Variants in PCSK2 observed in about 807,000 individuals in gnomAD.
PCSK2 encodes neuroendocrine convertase 2.
In PCSK2, 14 loss-of-function variants were observed where a neutral mutation model predicts 69.7. That is an observed-to-expected ratio of 0.20 (90% CI 0.13 to 0.31). The LOEUF is 0.31. Among genes scored for constraint, PCSK2 ranks in the 10% least tolerant of loss-of-function variants. The pLI is 1.00. For missense variants in PCSK2, 544 were observed against 842.5 expected, an observed-to-expected ratio of 0.65 and a Z score of 4.39; for synonymous variants, 307 against 320.7, an observed-to-expected ratio of 0.96 and a Z score of 0.46.
At chr20:17,377,040 G>A (rs1228596420) in intron 5 of PCSK2, among the ~76,000 whole-genome samples, 1 of 152,206 alleles carries the variant, frequency 6.6e-6, no homozygotes, top group Non-Finnish European at 1.5e-5. Context: ...TAAGGAAAGA[G>A]AGGACCCTGG....
intron 2 of PCSK2, among the ~76,000 whole-genome samples, chr20:17,295,269 C>T (rs959554226): frequency 7.3e-5 from 11 of 151,354 alleles, no homozygotes; most frequent in Non-Finnish European, 1.6e-4. Context: ...TTAATGCATG[C>T]CAGATATTGT....
At chr20:17,404,322 T>A (rs1254103483) in intron 5 of PCSK2, among the ~76,000 whole-genome samples, 1 of 152,252 alleles carries the variant, frequency 6.6e-6, no homozygotes, top group African/African-American at 2.4e-5. Context: ...ACATTGGTCT[T>A]CTTTCTTATG....
At chr20:17,289,925 T>G (rs937291935) in intron 2 of PCSK2, among the ~76,000 whole-genome samples, 2 of 152,254 alleles carry the variant, frequency 1.3e-5, no homozygotes, top group Admixed American at 6.5e-5. Flanking sequence ...TTGTACTCTT[T>G]AATGTACATC....
intron 2 of PCSK2, among the ~76,000 whole-genome samples, chr20:17,308,749 C>T (rs879599860): frequency 5.9e-5 from 9 of 152,170 alleles, no homozygotes; most frequent in African/African-American, 9.7e-5. Context: ...TGATCTTAGC[C>T]AGGACCTCTA....
At chr20:17,473,153 G>A (rs2033234893) in intron 11 of PCSK2, among the ~76,000 whole-genome samples, 1 of 137,176 alleles carries the variant, frequency 7.3e-6, no homozygotes, top group Non-Finnish European at 1.5e-5. Flanking sequence ...GAGTGCAGTA[G>A]CGTGATCTCA....
Position 17,347,962 on chromosome 20 carries a change from G to A in PCSK2, c.283-10365G>A, listed in dbSNP as rs199753806. ...AAAGAAAGAAAGAAAGAAAGAAAGA[G>A]AAAGAAAGAAAGAAAGAAAGAGGAG... On this transcript the variant is annotated intron_variant, in intron 2 of 11. Transcript: ENST00000262545. Among the ~76,000 whole-genome samples, 98 of 17,866 alleles carry A rather than the reference G, an allele frequency of 5.5e-3. 10 individuals are homozygous for A. Among genetic ancestry groups the A allele is most frequent in the East Asian group, 0.027 (4 of 146 alleles). The allele number at this position is 17,866 out of a possible 152,430, so 11.7% of individuals were successfully genotyped here.
rs187968561 is a variant in PCSK2 at position 17,246,663 on chromosome 20, C to T, written c.178-13577C>T. ...CTATGGAAGTTAGTTGGGTCCAACG[C>T]ATTCCATGGGGGACGTGGTCCAAAG... On this transcript the variant is annotated intron_variant, in intron 1 of 11. Coordinates refer to ENST00000262545, the MANE Select transcript of PCSK2 (RefSeq NM_002594.5). 3.3e-5 allele frequency among the ~76,000 whole-genome samples: 5 copies of T among 152,168 alleles called. No homozygotes were observed. In the East Asian group the frequency reaches 9.7e-4, roughly 29 times the overall value.
chr20:17,323,140 C>T (rs1157475926), intron 2 of PCSK2, among the ~76,000 whole-genome samples: 1 of 152,228 alleles, frequency 6.6e-6, no homozygotes, highest in African/African-American at 2.4e-5. Context: ...GCTGGGATTA[C>T]AGGCGTGAGT....
At chr20:17,276,154 A>G (rs746424219) in intron 2 of PCSK2, among the ~76,000 whole-genome samples, 4 of 152,150 alleles carry the variant, frequency 2.6e-5, no homozygotes, top group Non-Finnish European at 4.4e-5. Context: ...GTAATTCTAC[A>G]TACCATAAAA....
chr20:17,259,758 A>G (rs919692078), intron 1 of PCSK2, among the ~76,000 whole-genome samples: 3 of 152,176 alleles, frequency 2.0e-5, no homozygotes, highest in Admixed American at 6.5e-5. Context: ...AAAAGGCACC[A>G]AGGGTTCACA....
At chr20:17,320,783 C>T (rs913199335) in intron 2 of PCSK2, among the ~76,000 whole-genome samples, 8 of 152,160 alleles carry the variant, frequency 5.3e-5, no homozygotes, top group Non-Finnish European at 8.8e-5. Flanking sequence ...CAGGCAGAGA[C>T]AGTATTTTGG....
At chr20:17,348,021 GAGAAAGAAAGA>G (rs1990731297) in intron 2 of PCSK2, among the ~76,000 whole-genome samples, 1 of 89,496 alleles carries the variant, frequency 1.1e-5, no homozygotes. Context: ...AGAGAGAAAA[GAGAAAGAAAGA>G]AGAAAGAAAG....
intron 11 of PCSK2, among the ~76,000 whole-genome samples, chr20:17,480,412 A>G (rs2033379199): frequency 6.6e-6 from 1 of 151,508 alleles, no homozygotes; most frequent in South Asian, 2.1e-4. Flanking sequence ...GATGGTCTCG[A>G]TCTCCTGACC....
intron 2 of PCSK2, among the ~76,000 whole-genome samples, chr20:17,344,359 A>G (rs78675831): frequency 6.6e-6 from 1 of 151,886 alleles, no homozygotes; most frequent in Non-Finnish European, 1.5e-5. Context: ...TTCAACACAC[A>G]TTTTTTTTCT....
intron 2 of PCSK2, among the ~76,000 whole-genome samples, chr20:17,335,258 C>T (rs116587073): frequency 0.02 from 2,976 of 152,238 alleles, 90 homozygotes; most frequent in African/African-American, 0.066. Context: ...TGGCTACAGG[C>T]TGGGAGCCCA....
chr20:17,232,988 C>T (rs1024350061), intron 1 of PCSK2, among the ~76,000 whole-genome samples: 1 of 152,188 alleles, frequency 6.6e-6, no homozygotes, highest in African/African-American at 2.4e-5. Context: ...AAGCTAATCC[C>T]TCAAGACCTG....
intron 2 of PCSK2, among the ~76,000 whole-genome samples, chr20:17,325,852 G>A (rs1990032570): frequency 1.3e-5 from 2 of 152,066 alleles, no homozygotes; most frequent in South Asian, 4.2e-4. Context: ...TAGTGGTATA[G>A]CCCAGGCATG....
chr20:17,326,171 G>A (rs1311430628), intron 2 of PCSK2, among the ~76,000 whole-genome samples: 3 of 152,200 alleles, frequency 2.0e-5, no homozygotes, highest in African/African-American at 7.2e-5. Context: ...AAAATTCAAA[G>A]CCAACGAGCA....
At position 17,238,765 on chromosome 20, in the gene PCSK2, A is replaced by G. The variant is rs143758265; in HGVS notation, c.177+11283A>G. ...CATTTTACCCGTAGAATTTTTATAAATTCTGATTTTCCAAACAAAGCTATT... is the reference window on the plus strand; with the variant it reads ...CATTTTACCCGTAGAATTTTTATAAGTTCTGATTTTCCAAACAAAGCTATT... On this transcript the variant is annotated intron_variant, in intron 1 of 11. Transcript: ENST00000262545. Among the ~76,000 whole-genome samples, 3 of 152,290 alleles carry G rather than the reference A, an allele frequency of 2.0e-5. No homozygotes were observed. In the East Asian group the frequency reaches 5.8e-4, roughly 29 times the overall value.
Sources: allele counts gnomAD v4.1 joint callset (sites outside exome capture counted in the v4.1 genomes callset), GRCh38; gene constraint gnomAD v4.1.1; transcripts MANE v1.5; gene names NCBI Gene and HGNC (gene_info 2026-07-23, HGNC 2026-07-21).